Variants in STK38L observed in about 807,000 individuals in gnomAD.
STK38L encodes the protein serine/threonine kinase 38 like, also known as serine/threonine-protein kinase 38-like.
In STK38L, 28 loss-of-function variants were observed where a neutral mutation model predicts 59.7. That is an observed-to-expected ratio of 0.47 (90% CI 0.35 to 0.64). The LOEUF is 0.64. Ranked by LOEUF, STK38L falls within the 30% of genes least tolerant of loss-of-function variation. The probability of loss-of-function intolerance (pLI) is 0.01; values close to 1 mark genes in which losing one functional copy is unlikely to be tolerated. For missense variants in STK38L, 314 were observed against 555.8 expected, an observed-to-expected ratio of 0.56 and a Z score of 4.37; for synonymous variants, 162 against 176.8, an observed-to-expected ratio of 0.92 and a Z score of 0.66.
In STK38L at chr12:27,297,732, G is replaced by A. The variant is rs775438225; in HGVS notation, c.12G>A (p.Thr4=). The A allele has an allele frequency of 1.9e-6, 3 of 1,613,378 alleles. No homozygotes were observed. Among genetic ancestry groups the A allele is most frequent in the Non-Finnish European group, 2.5e-6 (3 of 1,179,618 alleles). MAM[T]AGTTTTFPMS... is the part of the protein sequence containing the mutation. ...CAGTTTCCGTTACTATGGCAATGACGGCAGGGACTACAACAACCTTTCCTA... is the reference window on the plus strand; with the variant it reads ...CAGTTTCCGTTACTATGGCAATGACAGCAGGGACTACAACAACCTTTCCTA... Residue 4 remains threonine, a synonymous_variant, in exon 2 of 14, where the codon ACG becomes ACA. Coordinates refer to ENST00000389032, the MANE Select transcript of STK38L (RefSeq NM_015000.4).
At chr12:27,278,376 C>T (rs1024205605) in intron 1 of STK38L, among the ~76,000 whole-genome samples, 1 of 152,196 alleles carries the variant, frequency 6.6e-6, no homozygotes, top group African/African-American at 2.4e-5. Context: ...TAAAGCCCTG[C>T]TTGTATCAGA....
At chr12:27,300,882 C>G (rs2136640361) in intron 2 of STK38L, among the ~76,000 whole-genome samples, 1 of 152,268 alleles carries the variant, frequency 6.6e-6, no homozygotes, top group Non-Finnish European at 1.5e-5. Flanking sequence ...AAAAGCTTAC[C>G]TTTGGACATG....
intron 1 of STK38L, among the ~76,000 whole-genome samples, chr12:27,245,357 A>G (rs1942826836): frequency 6.6e-6 from 1 of 152,194 alleles, no homozygotes; most frequent in Admixed American, 6.5e-5. Flanking sequence ...ATCTGAAAAA[A>G]CAGCTTTAAG....
rs1167645624 is a variant in STK38L at position 27,281,067 on chromosome 12, G to GTTTT, written c.-11-16610_-11-16607dup. On this transcript the variant is annotated intron_variant, in intron 1 of 13. Coordinates refer to ENST00000389032, the MANE Select transcript of STK38L (RefSeq NM_015000.4). The stretch of plus-strand genomic sequence containing the variant: ...CAGATTTATTTTTGGCTTTAGCTTT[G>GTTTT]TTTTTTTTTTTTTTTTTTTTTTTTT... Among the ~76,000 whole-genome samples, 4 of 11,552 alleles carry GTTTT rather than the reference G, an allele frequency of 3.5e-4. 2 individuals carry two copies. Among genetic ancestry groups the GTTTT allele is most frequent in the Admixed American group, 1.5e-3 (2 of 1,318 alleles). The allele number at this position is 11,552 out of a possible 152,430, so 7.6% of individuals were successfully genotyped here. A position where few individuals can be genotyped will look rare whatever the true frequency, so the allele number is the denominator to read the frequency against.
chr12:27,310,683 G>C lies in STK38L; in HGVS notation c.393+1486G>C, dbSNP rs146910012. Among the ~76,000 whole-genome samples the C allele has an allele frequency of 7.0e-3, 1,063 of 152,134 alleles. 12 individuals are homozygous for C. The highest frequency in any genetic ancestry group is 0.024 in the African/African-American group (985 of 41,490). ...TAAAAATAATTTCATTCTGTATGTGGCTTCTAGAAAATTTAAAAATTACAT... is the reference window on the plus strand; with the variant it reads ...TAAAAATAATTTCATTCTGTATGTGCCTTCTAGAAAATTTAAAAATTACAT... On this transcript the variant is annotated intron_variant, in intron 5 of 13. Coordinates refer to ENST00000389032, the MANE Select transcript of STK38L (RefSeq NM_015000.4).
At chr12:27,286,163 AT>A (rs1943767729) in intron 1 of STK38L, among the ~76,000 whole-genome samples, 2 of 152,116 alleles carry the variant, frequency 1.3e-5, no homozygotes, top group African/African-American at 4.8e-5. Flanking sequence ...AGAACTAAGA[AT>A]TTGGTTTATA....
chr12:27,245,460 C>G (rs942764816), intron 1 of STK38L, among the ~76,000 whole-genome samples: 1 of 152,160 alleles, frequency 6.6e-6, no homozygotes, highest in Non-Finnish European at 1.5e-5. Context: ...ACCGGTCTCT[C>G]TACTTTAAGG....
At chr12:27,279,360 C>A (rs1350908786) in intron 1 of STK38L, among the ~76,000 whole-genome samples, 1 of 152,098 alleles carries the variant, frequency 6.6e-6, no homozygotes, top group Non-Finnish European at 1.5e-5. Context: ...TGGACTGTTT[C>A]TGGTGCAAAA....
chr12:27,277,392 CCA>C (rs58648742), intron 1 of STK38L, among the ~76,000 whole-genome samples: 24,396 of 148,566 alleles, frequency 0.16, 2,631 homozygotes, highest in East Asian at 0.61. Context: ...CTGGAAGGAA[CCA>C]CACACACACA....
At chr12:27,284,527 G>A (rs1943728269) in intron 1 of STK38L, among the ~76,000 whole-genome samples, 1 of 152,198 alleles carries the variant, frequency 6.6e-6, no homozygotes, top group Non-Finnish European at 1.5e-5. Flanking sequence ...AACTAAATTT[G>A]CAATCTTAGA....
At chr12:27,246,681 C>T (rs1162682619) in intron 1 of STK38L, among the ~76,000 whole-genome samples, 1 of 152,208 alleles carries the variant, frequency 6.6e-6, no homozygotes, top group South Asian at 2.1e-4. Context: ...ATATCCTCCT[C>T]TTCTTCCCCC....
chr12:27,314,109 C>T (rs917039354), intron 6 of STK38L, among the ~76,000 whole-genome samples: 1 of 151,916 alleles, frequency 6.6e-6, no homozygotes, highest in Admixed American at 6.6e-5. Flanking sequence ...AATGCAAACT[C>T]AGGAAAGCTA....
intron 1 of STK38L, among the ~76,000 whole-genome samples, chr12:27,290,996 C>G (rs1322561919): frequency 6.6e-6 from 1 of 152,140 alleles, no homozygotes; most frequent in Non-Finnish European, 1.5e-5. Flanking sequence ...GTACTTCCAG[C>G]CTTTTGGCCA....
chr12:27,251,710 T>C (rs942583622), intron 1 of STK38L, among the ~76,000 whole-genome samples: 1 of 152,252 alleles, frequency 6.6e-6, no homozygotes, highest in Non-Finnish European at 1.5e-5. Context: ...TGGGTAAATA[T>C]CATTATAGCA....
At chr12:27,246,278 G>A (rs186896867) in intron 1 of STK38L, among the ~76,000 whole-genome samples, 20 of 152,248 alleles carry the variant, frequency 1.3e-4, no homozygotes, top group Non-Finnish European at 8.8e-5. Flanking sequence ...ATTGGATAAC[G>A]CACCTTAGAA....
chr12:27,320,692 A>T (rs1178967367), intron 12 of STK38L, among the ~76,000 whole-genome samples: 2 of 152,084 alleles, frequency 1.3e-5, no homozygotes, highest in African/African-American at 2.4e-5. Context: ...GCTCTATAAA[A>T]TAGGAACTGT....
rs1181997627 is a variant in STK38L, at chr12:27,324,786, G to GA, written c.*2333dup. 2.6e-5 allele frequency: 4 copies of GA among 151,968 alleles called. No homozygotes were observed. Among genetic ancestry groups the GA allele is most frequent in the African/African-American group, 9.7e-5 (4 of 41,398 alleles). The allele number at this position is 151,968 out of a possible 1,614,324, so 9.4% of individuals were successfully genotyped here. A position where few individuals can be genotyped will look rare whatever the true frequency, so the allele number is the denominator to read the frequency against. On this transcript the variant is annotated 3_prime_UTR_variant, in exon 14 of 14. Transcript: ENST00000389032. Reference sequence around the variant, plus strand: ...ACTGTGTCTGCCCTTTAGAAGCTAAGAATTTGATTCATGATGCAAATTAAC... The same window carrying GA: ...ACTGTGTCTGCCCTTTAGAAGCTAAGAAATTTGATTCATGATGCAAATTAAC...
chr12:27,314,601 C>T lies in STK38L; in HGVS notation c.615C>T (p.His205=). Residue 205 remains histidine, a synonymous_variant, in exon 7 of 14, where the codon CAC becomes CAT. Coordinates refer to ENST00000389032, the MANE Select transcript of STK38L (RefSeq NM_015000.4). ...SETVLAIDAI[H]QLGFIHRDIK... ...CTGTTCTGGCAATAGATGCGATCCA[C>T]CAGTTGGGTTTCATCCATCGGGATA... 1.2e-6 allele frequency: 2 copies of T among 1,609,186 alleles called. No individual in the cohort carries two copies. The highest frequency in any genetic ancestry group is 2.2e-5 in the South Asian group (2 of 90,400).
intron 1 of STK38L, among the ~76,000 whole-genome samples, chr12:27,254,509 C>T (rs922624248): frequency 6.6e-6 from 1 of 152,110 alleles, no homozygotes. Flanking sequence ...AAAAGCACTA[C>T]AGATTTCTTT....
Sources: gnomAD v4.1 joint callset for allele counts (sites outside exome capture counted in the v4.1 genomes callset) on GRCh38, gnomAD v4.1.1 for gene constraint, MANE v1.5 for transcripts, NCBI Gene and HGNC (gene_info 2026-07-23, HGNC 2026-07-21) for gene names.